The following OPCML variants were observed in gnomAD, a reference collection of about 807,000 sequenced individuals.
The protein encoded by OPCML is opioid-binding protein/cell adhesion molecule.
OPCML carries 13 observed loss-of-function variants against 37.8 expected under a neutral mutation model. The ratio of observed to expected loss-of-function variants is 0.34; its 90% CI spans 0.22 to 0.55. The LOEUF is 0.55. OPCML is among the 20% of genes least tolerant of loss of function. The probability of loss-of-function intolerance (pLI) is 0.91; values close to 1 mark genes in which losing one functional copy is unlikely to be tolerated. For missense variants in OPCML, 341 were observed against 435.6 expected (o/e 0.78, Z 1.93); for synonymous variants, 176 against 168.8 (o/e 1.04, Z -0.33).
chr11:133,341,744 C>T lies in OPCML; in HGVS notation c.61+190520G>A, dbSNP rs560488850. Reference sequence around the variant, plus strand: ...GACCACCCTGGCCAACATGGCAAAACCCCATCTCTACTAAAACTACAAAAA... The same window carrying T: ...GACCACCCTGGCCAACATGGCAAAATCCCATCTCTACTAAAACTACAAAAA... On this transcript the variant is annotated intron_variant, in intron 1 of 7. Transcript: ENST00000524381. 3.9e-5 allele frequency among the ~76,000 whole-genome samples: 6 copies of T among 152,258 alleles called. No homozygotes were observed. The South Asian group carries it at 1.2e-3, about 32-fold the overall frequency.
intron 3 of OPCML, among the ~76,000 whole-genome samples, chr11:132,623,690 C>T (rs952424064): frequency 3.3e-5 from 5 of 152,206 alleles, no homozygotes; most frequent in Admixed American, 1.3e-4. Context: ...GCTGCTACTT[C>T]CCCTAGCATG....
At chr11:132,668,873 G>T (rs1228177269) in intron 2 of OPCML, among the ~76,000 whole-genome samples, 2 of 152,066 alleles carry the variant, frequency 1.3e-5, no homozygotes, top group African/African-American at 2.4e-5. Context: ...TTACTCTCCA[G>T]AAGTGTTCTA....
intron 1 of OPCML, among the ~76,000 whole-genome samples, chr11:133,077,409 G>T (rs569825422): frequency 6.6e-6 from 1 of 152,226 alleles, no homozygotes; most frequent in East Asian, 1.9e-4. Context: ...AATAAAGCAA[G>T]ATCCCTACCT....
At chr11:132,722,183 C>A (rs1944697431) in intron 2 of OPCML, among the ~76,000 whole-genome samples, 1 of 151,392 alleles carries the variant, frequency 6.6e-6, no homozygotes. Context: ...TCTTGATCTC[C>A]TGACCTCATG....
intron 3 of OPCML, among the ~76,000 whole-genome samples, chr11:132,647,463 T>G (rs1041523499): frequency 2.0e-5 from 3 of 152,216 alleles, no homozygotes; most frequent in Non-Finnish European, 2.9e-5. Context: ...ACTAAGAGCC[T>G]AATGTTGACC....
intron 2 of OPCML, among the ~76,000 whole-genome samples, chr11:132,727,994 C>T (rs930502559): frequency 4.2e-4 from 64 of 152,184 alleles, no homozygotes; most frequent in African/African-American, 1.5e-3. Flanking sequence ...CAGAAGTTCC[C>T]TTCCACGGCT....
chr11:132,539,411 G>A (rs536078955), intron 3 of OPCML, among the ~76,000 whole-genome samples: 182 of 152,324 alleles, frequency 1.2e-3, no homozygotes, highest in Non-Finnish European at 2.1e-3. Flanking sequence ...GGCTGAAAGC[G>A]CAGGTAGAGC....
chr11:133,009,457 G>T (rs769040843), intron 1 of OPCML, among the ~76,000 whole-genome samples: 1 of 152,148 alleles, frequency 6.6e-6, no homozygotes, highest in African/African-American at 2.4e-5. Flanking sequence ...ACCTAACTTA[G>T]GAGTCAAGTT....
chr11:133,226,610 A>C (rs1052654468), intron 1 of OPCML, among the ~76,000 whole-genome samples: 1 of 152,210 alleles, frequency 6.6e-6, no homozygotes, highest in Non-Finnish European at 1.5e-5. Context: ...TAGATTAATC[A>C]CATGTGATAT....
chr11:133,371,470 G>C (rs1944674244), intron 1 of OPCML, among the ~76,000 whole-genome samples: 1 of 152,200 alleles, frequency 6.6e-6, no homozygotes, highest in Non-Finnish European at 1.5e-5. Flanking sequence ...ATCCCCACGT[G>C]TTGAGGGAGG....
chr11:132,809,516 A>G (rs1214598046), intron 2 of OPCML, among the ~76,000 whole-genome samples: 1 of 152,186 alleles, frequency 6.6e-6, no homozygotes, highest in Non-Finnish European at 1.5e-5. Flanking sequence ...GTTCCTTACT[A>G]TAGATTATAA....
chr11:133,506,163 T>G (rs1408715325), intron 1 of OPCML, among the ~76,000 whole-genome samples: 1 of 152,228 alleles, frequency 6.6e-6, no homozygotes, highest in Admixed American at 6.5e-5. Flanking sequence ...GTATTTTCAT[T>G]CCTTCCCAAC....
intron 4 of OPCML, among the ~76,000 whole-genome samples, chr11:132,508,653 C>A (rs1250927260): frequency 6.6e-6 from 1 of 152,074 alleles, no homozygotes; most frequent in Non-Finnish European, 1.5e-5. Context: ...GTGAATAGGT[C>A]TTATGAGATC....
intron 2 of OPCML, among the ~76,000 whole-genome samples, chr11:132,757,074 G>A (rs1472360277): frequency 1.3e-5 from 2 of 152,114 alleles, no homozygotes; most frequent in African/African-American, 2.4e-5. Context: ...TCCTGTGTTA[G>A]TTTGCTGAGA....
intron 2 of OPCML, among the ~76,000 whole-genome samples, chr11:132,923,398 G>T (rs1472400214): frequency 1.3e-5 from 2 of 152,094 alleles, no homozygotes; most frequent in South Asian, 2.1e-4. Flanking sequence ...GCCCAGCCGG[G>T]CTTGGAAGGC....
chr11:133,205,179 T>C lies in OPCML; in HGVS notation c.62-262169A>G, dbSNP rs1939009663. On this transcript the variant is annotated intron_variant, in intron 1 of 7. Transcript: ENST00000524381. The surrounding 1 kb of genome is among the most constrained non-coding windows in gnomAD (Gnocchi z 4.8). ...CAATGGCTAATGATGTAATCAATTATGGCAACCTAATGAAGCTTTGATAAA... is the reference window on the plus strand; with the variant it reads ...CAATGGCTAATGATGTAATCAATTACGGCAACCTAATGAAGCTTTGATAAA... Among the ~76,000 whole-genome samples, 2 of 152,134 alleles carry C rather than the reference T, an allele frequency of 1.3e-5. No homozygotes were observed. Among genetic ancestry groups the C allele is most frequent in the South Asian group, 4.2e-4 (2 of 4,818 alleles).
intron 1 of OPCML, among the ~76,000 whole-genome samples, chr11:133,231,944 A>T (rs904470230): frequency 1.8e-5 from 1 of 55,060 alleles, no homozygotes; most frequent in African/African-American, 8.5e-5. Context: ...TTAGGATCCT[A>T]CAAGGAAGGG....
intron 1 of OPCML, among the ~76,000 whole-genome samples, chr11:132,986,910 C>G (rs555140318): frequency 6.6e-6 from 1 of 152,186 alleles, no homozygotes; most frequent in African/African-American, 2.4e-5. Context: ...AAAAGTTGAA[C>G]GTTTTAATGA....
intron 1 of OPCML, among the ~76,000 whole-genome samples, chr11:133,529,388 C>A (rs1948556216): frequency 6.6e-6 from 1 of 152,322 alleles, no homozygotes; most frequent in African/African-American, 2.4e-5. Context: ...CCTACTAGAA[C>A]AACAAAATTA....
Sources: gnomAD v4.1 joint callset for allele counts (sites outside exome capture counted in the v4.1 genomes callset) on GRCh38, gnomAD v4.1.1 for gene constraint, Gnocchi (gnomAD v3.1) non-coding constraint, MANE v1.5 for transcripts, NCBI Gene and HGNC (gene_info 2026-07-23, HGNC 2026-07-21) for gene names.